Variants in FBXL14 observed in about 807,000 individuals in gnomAD.
FBXL14 encodes F-box and leucine rich repeat protein 14.
Under a neutral mutation model 24.5 loss-of-function variants are expected in FBXL14, and 11 were observed. That is an observed-to-expected ratio of 0.45 (90% CI 0.28 to 0.74). The LOEUF (loss-of-function observed/expected upper bound fraction) is 0.74. Ranked by LOEUF, FBXL14 falls within the 30% of genes least tolerant of loss-of-function variation. The probability of loss-of-function intolerance (pLI) is 0.12; values close to 1 mark genes in which losing one functional copy is unlikely to be tolerated. For missense variants in FBXL14, 384 were observed against 545.6 expected (o/e 0.70, Z 2.95); for synonymous variants, 294 against 240.4 (o/e 1.22, Z -2.06).
intron 1 of FBXL14, among the ~76,000 whole-genome samples, chr12:1,590,044 T>G (rs751807548): frequency 2.2e-4 from 34 of 152,148 alleles, no homozygotes; most frequent in Admixed American, 4.6e-4. Context: ...AAAAACAGAC[T>G]AAGAACCCAC....
At chr12:1,588,796 C>T (rs1592483090) in intron 1 of FBXL14, among the ~76,000 whole-genome samples, 1 of 152,266 alleles carries the variant, frequency 6.6e-6, no homozygotes, top group Non-Finnish European at 1.5e-5. Flanking sequence ...ATTCTAAGAA[C>T]TGCCCTGGAG....
chr12:1,576,389 C>T (rs118027428), intron 1 of FBXL14, among the ~76,000 whole-genome samples: 2,365 of 152,166 alleles, frequency 0.016, 31 homozygotes, highest in Middle Eastern at 0.095. Flanking sequence ...AAACTGACAT[C>T]GAGGGCAGCT....
At chr12:1,572,139 A>G (rs2094446518) in intron 1 of FBXL14, among the ~76,000 whole-genome samples, 1 of 152,238 alleles carries the variant, frequency 6.6e-6, no homozygotes. Flanking sequence ...AGTGAAAAAA[A>G]AAGTAGGATT....
Position 1,594,099 on chromosome 12 carries a change from A to G in FBXL14, c.-33T>C, listed in dbSNP as rs2154438480. ...CTCCCCCCTCCGCGGCGCTGGGGGG[A>G]GGAGGCGCGGGCCCCGCCGCTCCGG... On this transcript the variant is annotated 5_prime_UTR_variant, in exon 1 of 2. Transcript: ENST00000339235. 7.4e-7 allele frequency: 1 copy of G among 1,356,354 alleles called. No homozygotes were observed. The highest frequency in any genetic ancestry group is 9.4e-7 in the Non-Finnish European group (1 of 1,059,906). 84.0% of individuals were successfully genotyped at this position (1,356,354 alleles called of 1,614,324 possible).
intron 1 of FBXL14, among the ~76,000 whole-genome samples, chr12:1,592,470 T>C (rs1251336097): frequency 6.6e-6 from 1 of 152,040 alleles, no homozygotes; most frequent in African/African-American, 2.4e-5. Context: ...AAATGAAAGC[T>C]GAAGTGAAAG....
chr12:1,573,974 C>T (rs1422758547), intron 1 of FBXL14, among the ~76,000 whole-genome samples: 1 of 150,448 alleles, frequency 6.6e-6, no homozygotes. Flanking sequence ...CATTGCACTC[C>T]AGCCTGGGCA....
intron 1 of FBXL14, among the ~76,000 whole-genome samples, chr12:1,580,888 T>A (rs2094464956): frequency 6.6e-6 from 1 of 152,186 alleles, no homozygotes; most frequent in Non-Finnish European, 1.5e-5. Flanking sequence ...CTCTGCAAGT[T>A]CCTGGCAGGT....
chr12:1,576,531 T>G (rs763446953), intron 1 of FBXL14, among the ~76,000 whole-genome samples: 2 of 152,196 alleles, frequency 1.3e-5, no homozygotes, highest in African/African-American at 2.4e-5. Context: ...TTATCTGGAC[T>G]GGCTGGCTCC....
chr12:1,586,198 T>A (rs199621581), intron 1 of FBXL14, among the ~76,000 whole-genome samples: 2 of 151,290 alleles, frequency 1.3e-5, no homozygotes, highest in East Asian at 3.9e-4. Context: ...TTTTTTTTTT[T>A]ACTCCTAATG....
Position 1,566,620 on chromosome 12 carries a change from C to A in FBXL14, c.*128G>T. On this transcript the variant is annotated 3_prime_UTR_variant, in exon 2 of 2. Transcript: ENST00000339235. ...AAGGTACCGGAGCAGAAGCCCTGGG[C>A]AGCAGCCTCTGCCCGAGCAGTGACA... The A allele has an allele frequency of 1.4e-6, 1 of 707,760 alleles. No individual in the cohort carries two copies. Among genetic ancestry groups the A allele is most frequent in the Non-Finnish European group, 2.6e-6 (1 of 382,436 alleles). The allele number at this position is 707,760 out of a possible 1,614,324, so 43.8% of individuals were successfully genotyped here. A position where few individuals can be genotyped will look rare whatever the true frequency, so the allele number is the denominator to read the frequency against.
chr12:1,594,808 G>A (rs978916966), upstream of FBXL14, among the ~76,000 whole-genome samples: 2 of 151,112 alleles, frequency 1.3e-5, no homozygotes, highest in Non-Finnish European at 3.0e-5. Context: ...GCCGGCCCCG[G>A]CTCCGCCGCC....
chr12:1,566,551 C>T lies in FBXL14; in HGVS notation c.*197G>A, dbSNP rs1459848383. 1 of 513,024 alleles carries T rather than the reference C, an allele frequency of 1.9e-6. No homozygotes were observed. The highest frequency in any genetic ancestry group is 3.2e-5 in the East Asian group (1 of 31,656). The allele number at this position is 513,024 out of a possible 1,614,324, so 31.8% of individuals were successfully genotyped here. ...GGAAGCGAGGTCTCAGAGCAAACCA[C>T]TGTCCCCAGAACTGGAGAAACCGGC... On this transcript the variant is annotated 3_prime_UTR_variant, in exon 2 of 2. Transcript: ENST00000339235.
rs1468665135 is a variant in FBXL14, at chr12:1,566,071, T to A, written c.*677A>T. On this transcript the variant is annotated 3_prime_UTR_variant, in exon 2 of 2. Transcript: ENST00000339235. ...AAACCCCGTGGGGAGAGGAAATGCATCTGTGGAATGTAGAGTGGATTTCTT... is the reference window on the plus strand; with the variant it reads ...AAACCCCGTGGGGAGAGGAAATGCAACTGTGGAATGTAGAGTGGATTTCTT... 6.6e-6 allele frequency: 1 copy of A among 152,640 alleles called. No individual in the cohort carries two copies. The highest frequency in any genetic ancestry group is 1.5e-5 in the Non-Finnish European group (1 of 68,036). The allele number at this position is 152,640 out of a possible 1,614,324, so 9.5% of individuals were successfully genotyped here. A position where few individuals can be genotyped will look rare whatever the true frequency, so the allele number is the denominator to read the frequency against.
chr12:1,593,000 C>T lies in FBXL14; in HGVS notation c.1067G>A (p.Ser356Asn), dbSNP rs753132272. Reference sequence around the variant, plus strand: ...GTACAGGTCTATGCCGGTGAGTTGGCTCAGGTGCTCAGCGATCAGCTCCAG... The same window carrying T: ...GTACAGGTCTATGCCGGTGAGTTGGTTCAGGTGCTCAGCGATCAGCTCCAG... ...KGLELIAEHL[S>N]QLTGIDLYGC... Residue 356 changes from serine to asparagine, a missense_variant, in exon 1 of 2, where the codon AGC becomes AAC. Physicochemically the swap from Ser to Asn is conservative, Grantham distance 46 (BLOSUM62 1). Coordinates refer to ENST00000339235, the MANE Select transcript of FBXL14 (RefSeq NM_152441.3). 1.9e-6 allele frequency: 3 copies of T among 1,612,618 alleles called. No individual in the cohort carries two copies. In the Admixed American group the frequency reaches 5.0e-5, roughly 27 times the overall value.
intron 1 of FBXL14, among the ~76,000 whole-genome samples, chr12:1,577,679 G>A (rs1298291835): frequency 1.3e-5 from 2 of 152,242 alleles, no homozygotes; most frequent in African/African-American, 4.8e-5. Flanking sequence ...TGAGCAGGGA[G>A]CTAGCTCACC....
In FBXL14 at chr12:1,569,702, A is replaced by G. The variant is rs1407831551; in HGVS notation, c.1195-2892T>C. On this transcript the variant is annotated intron_variant, in intron 1 of 1. Transcript: ENST00000339235. This position sits in a 1 kb window ranked among gnomAD's most constrained non-coding sequence, Gnocchi z 4.2. ...GGCGTGAGCCACCGCTCCCGGCACCACTTGGTTCTTTATGGCTGTTGAGCA... is the reference window on the plus strand; with the variant it reads ...GGCGTGAGCCACCGCTCCCGGCACCGCTTGGTTCTTTATGGCTGTTGAGCA... 6.6e-6 allele frequency among the ~76,000 whole-genome samples: 1 copy of G among 152,206 alleles called. No homozygotes were observed. Among genetic ancestry groups the G allele is most frequent in the Non-Finnish European group, 1.5e-5 (1 of 68,032 alleles).
At chr12:1,585,122 G>A (rs2094473884) in intron 1 of FBXL14, among the ~76,000 whole-genome samples, 1 of 152,172 alleles carries the variant, frequency 6.6e-6, no homozygotes, top group African/African-American at 2.4e-5. Flanking sequence ...TGTGTGGCCG[G>A]GCGCGGTGGC....
At chr12:1,591,808 TG>T (rs1434962655) in intron 1 of FBXL14, among the ~76,000 whole-genome samples, 2 of 152,122 alleles carry the variant, frequency 1.3e-5, no homozygotes, top group African/African-American at 4.8e-5. Context: ...GTGACCTTTT[TG>T]GGGGGAAACT....
At chr12:1,572,244 T>TATAA (rs2094446673) in intron 1 of FBXL14, among the ~76,000 whole-genome samples, 1 of 152,244 alleles carries the variant, frequency 6.6e-6, no homozygotes, top group Non-Finnish European at 1.5e-5. Flanking sequence ...AATAACTTTA[T>TATAA]GAGGTATAAT....
Sources: gnomAD v4.1 joint callset for allele counts (sites outside exome capture counted in the v4.1 genomes callset) on GRCh38, gnomAD v4.1.1 for gene constraint, Gnocchi (gnomAD v3.1) non-coding constraint, MANE v1.5 for transcripts, NCBI Gene and HGNC (gene_info 2026-07-23, HGNC 2026-07-21) for gene names.